Variants in PDE1C observed in about 807,000 individuals in gnomAD.
PDE1C encodes dual specificity calcium/calmodulin-dependent 3',5'-cyclic nucleotide phosphodiesterase 1C.
Under a neutral mutation model 93.1 loss-of-function variants are expected in PDE1C, and 62 were observed. The observed-to-expected ratio is 0.67, with a 90% CI of 0.54 to 0.82. The LOEUF (loss-of-function observed/expected upper bound fraction) is 0.82, where lower values mean the gene tolerates loss of function less well. Among genes scored for constraint, PDE1C ranks in the 40% least tolerant of loss-of-function variants. The pLI is 0.00. For missense variants in PDE1C, 742 were observed against 884.6 expected, an observed-to-expected ratio of 0.84 and a Z score of 2.04; for synonymous variants, 325 against 310.1, an observed-to-expected ratio of 1.05 and a Z score of -0.50.
chr7:31,913,582 A>G (rs1469572921), intron 2 of PDE1C, among the ~76,000 whole-genome samples: 1 of 152,176 alleles, frequency 6.6e-6, no homozygotes, highest in African/African-American at 2.4e-5. Flanking sequence ...AACAGCAGAC[A>G]AAAGACACAA....
chr7:31,847,026 A>T (rs1792721358), intron 9 of PDE1C, among the ~76,000 whole-genome samples: 2 of 152,156 alleles, frequency 1.3e-5, no homozygotes, highest in African/African-American at 4.8e-5. Flanking sequence ...ATTTAATTAA[A>T]ATATGAGGAC....
chr7:31,715,552 T>C, the PDE1C span, among the ~76,000 whole-genome samples: 2 of 152,242 alleles, frequency 1.3e-5, no homozygotes, highest in African/African-American at 4.8e-5. Flanking sequence ...AAAGGCATTT[T>C]TGTCCAATTT....
At chr7:31,923,247 C>A (rs907043262) in intron 2 of PDE1C, among the ~76,000 whole-genome samples, 1 of 152,160 alleles carries the variant, frequency 6.6e-6, no homozygotes, top group Non-Finnish European at 1.5e-5. Flanking sequence ...CTGGACCACA[C>A]AACATAACTC....
At chr7:32,122,233 A>AGACC (rs1470090315) in intron 3 of PDE1C, among the ~76,000 whole-genome samples, 4 of 152,240 alleles carry the variant, frequency 2.6e-5, no homozygotes, top group Non-Finnish European at 5.9e-5. Context: ...AAGTTCTTAG[A>AGACC]GACCTACAAA....
intron 3 of PDE1C, among the ~76,000 whole-genome samples, chr7:32,098,995 A>G (rs779822987): frequency 6.6e-6 from 1 of 152,228 alleles, no homozygotes; most frequent in Non-Finnish European, 1.5e-5. Flanking sequence ...TTGTATACTC[A>G]AAAGGTTAAA....
chr7:32,167,550 G>A lies in PDE1C; in HGVS notation c.308+2235C>T, dbSNP rs561277066. On this transcript the variant is annotated intron_variant, in intron 3 of 18. Coordinates refer to the PDE1C transcript ENST00000396193. The stretch of plus-strand genomic sequence containing the variant: ...CATGAGACCTCATTTCCCTAGTAGG[G>A]GACAAAAGGCATAACAGGATAAGCG... Among the ~76,000 whole-genome samples, 10 of 152,168 alleles carry A rather than the reference G, an allele frequency of 6.6e-5. No homozygotes were observed. The South Asian group carries it at 1.9e-3, about 28-fold the overall frequency.
chr7:32,349,829 C>T (rs1351653860), intron 1 of PDE1C, among the ~76,000 whole-genome samples: 1 of 152,090 alleles, frequency 6.6e-6, no homozygotes, highest in African/African-American at 2.4e-5. Flanking sequence ...AGGGTTTCAC[C>T]CATATTAGCC....
intron 3 of PDE1C, among the ~76,000 whole-genome samples, chr7:32,082,536 G>A (rs2128737852): frequency 6.6e-6 from 1 of 152,348 alleles, no homozygotes; most frequent in African/African-American, 2.4e-5. Flanking sequence ...CTGAGAACGG[G>A]CAGACTGCCT....
chr7:32,416,827 G>A (rs1785284862), intron 1 of PDE1C, among the ~76,000 whole-genome samples: 1 of 152,122 alleles, frequency 6.6e-6, no homozygotes, highest in Non-Finnish European at 1.5e-5. Flanking sequence ...AATCAGAACA[G>A]GTCTATGGGG....
chr7:31,913,595 A>G (rs1056413161), intron 2 of PDE1C, among the ~76,000 whole-genome samples: 1 of 152,166 alleles, frequency 6.6e-6, no homozygotes, highest in Non-Finnish European at 1.5e-5. Context: ...AGACACAAAA[A>G]TCTGAATAAG....
Position 31,974,942 on chromosome 7 carries a change from C to G in PDE1C, c.128+76612G>C, listed in dbSNP as rs568151681. Among the ~76,000 whole-genome samples the G allele has an allele frequency of 2.0e-5, 3 of 152,254 alleles. No individual in the cohort carries two copies. The East Asian group carries it at 5.8e-4, about 29-fold the overall frequency. Reference sequence around the variant, plus strand: ...TGGAAAAATATCCTGCAGGTTCTCCCCATTGCCTTCTGAACAAAGGCCGAG... The same window carrying G: ...TGGAAAAATATCCTGCAGGTTCTCCGCATTGCCTTCTGAACAAAGGCCGAG... On this transcript the variant is annotated intron_variant, in intron 2 of 17. Transcript: ENST00000396191.
At chr7:31,852,653 G>A (rs1332428812) in intron 7 of PDE1C, among the ~76,000 whole-genome samples, 2 of 152,076 alleles carry the variant, frequency 1.3e-5, no homozygotes, top group Non-Finnish European at 2.9e-5. Context: ...GCCAGGGGTA[G>A]GTGCAGGACT....
intron 1 of PDE1C, among the ~76,000 whole-genome samples, chr7:32,053,017 TTTC>T: frequency 6.6e-6 from 1 of 152,314 alleles, no homozygotes; most frequent in Middle Eastern, 3.4e-3. Context: ...TATAGAGATA[TTTC>T]CATGTTTATA....
chr7:31,838,082 T>A, intron 9 of PDE1C, 111 bp from the exon 10 acceptor site: 1 of 722,818 alleles, frequency 1.4e-6, no homozygotes, highest in Non-Finnish European at 2.4e-6. Flanking sequence ...TTTCTGACAT[T>A]TCTAATCTAA....
intron 1 of PDE1C, among the ~76,000 whole-genome samples, chr7:32,232,076 T>G (rs4236334): frequency 1 from 152,087 of 152,234 alleles, 75,970 homozygotes; most frequent in Middle Eastern, 1. Flanking sequence ...CAGCTATAAA[T>G]CCTGGACAGA....
chr7:32,418,272 C>A (rs1213862550), intron 1 of PDE1C, among the ~76,000 whole-genome samples: 1 of 152,130 alleles, frequency 6.6e-6, no homozygotes, highest in Admixed American at 6.6e-5. Context: ...ATGTCTCAGG[C>A]AGTTCAGCAC....
chr7:31,677,225 AC>A, the PDE1C span, among the ~76,000 whole-genome samples: 2 of 152,188 alleles, frequency 1.3e-5, no homozygotes, highest in African/African-American at 4.8e-5. Flanking sequence ...ATTTTACCAA[AC>A]TTTTAAAGAT....
chr7:31,899,416 G>C (rs1799704353), intron 2 of PDE1C, among the ~76,000 whole-genome samples: 2 of 152,208 alleles, frequency 1.3e-5, no homozygotes, highest in Admixed American at 1.3e-4. Context: ...GGGATTACAG[G>C]CGTAAGTAAG....
intron 1 of PDE1C, among the ~76,000 whole-genome samples, chr7:32,311,659 G>T (rs1005933144): frequency 8.5e-5 from 13 of 152,060 alleles, no homozygotes; most frequent in Non-Finnish European, 2.9e-5. Flanking sequence ...AAAACCACAT[G>T]ATTATCTCAA....
Sources: allele counts gnomAD v4.1 joint callset (sites outside exome capture counted in the v4.1 genomes callset), GRCh38; gene constraint gnomAD v4.1.1; transcripts MANE v1.5; gene names NCBI Gene and HGNC (gene_info 2026-07-23, HGNC 2026-07-21).